Variants in ADD3 observed in about 807,000 individuals in gnomAD.
The protein encoded by ADD3 is gamma-adducin.
ADD3 carries 25 observed loss-of-function variants against 80.2 expected under a neutral mutation model. That is an observed-to-expected ratio of 0.31 (90% CI 0.23 to 0.44). The LOEUF (loss-of-function observed/expected upper bound fraction) is 0.44. ADD3 is among the 20% of genes least tolerant of loss of function. The pLI is 1.00. For synonymous variants in ADD3, 284 were observed against 289.6 expected (o/e 0.98, Z 0.20); for missense variants, 829 against 847.5 (o/e 0.98, Z 0.27).
chr10:110,054,588 A>G (rs1249215184), intron 1 of ADD3, among the ~76,000 whole-genome samples: 2 of 149,734 alleles, frequency 1.3e-5, no homozygotes, highest in Non-Finnish European at 3.0e-5. Flanking sequence ...ATTTACAGGC[A>G]CGCACCACCA....
upstream of ADD3, among the ~76,000 whole-genome samples, chr10:110,005,123 C>T (rs541388328): frequency 7.2e-5 from 11 of 152,108 alleles, no homozygotes; most frequent in East Asian, 5.8e-4. Context: ...AGTGCAGTGG[C>T]GCGATCTTGG....
At chr10:110,003,302 GGTGTGTGTGT>G (rs1554893815), upstream of ADD3, among the ~76,000 whole-genome samples, 11 of 147,030 alleles carry the variant, frequency 7.5e-5, no homozygotes, top group South Asian at 2.2e-4. Context: ...GAACAGTAAG[GGTGTGTGTGT>G]GTGTGTGTGT....
chr10:110,047,066 T>C (rs759870576), intron 1 of ADD3, among the ~76,000 whole-genome samples: 1 of 152,194 alleles, frequency 6.6e-6, no homozygotes, highest in Non-Finnish European at 1.5e-5. Flanking sequence ...CAGATCACTC[T>C]TTGTGATAGA....
At chr10:110,065,385 T>C (rs1843773452) in intron 1 of ADD3, among the ~76,000 whole-genome samples, 1 of 151,884 alleles carries the variant, frequency 6.6e-6, no homozygotes, top group Admixed American at 6.6e-5. Context: ...AAAAAGTCTC[T>C]AGCCATGATT....
intron 1 of ADD3, among the ~76,000 whole-genome samples, chr10:110,051,401 G>C (rs1857498121): frequency 6.6e-6 from 1 of 152,162 alleles, no homozygotes; most frequent in South Asian, 2.1e-4. Flanking sequence ...AAACTATACA[G>C]TGGTTCCTCC....
Position 110,112,817 on chromosome 10 carries a change from T to G in ADD3, c.236T>G (p.Met79Arg), listed in dbSNP as rs749097779. 1.4e-5 allele frequency: 22 copies of G among 1,614,094 alleles called. No homozygotes were observed. Among genetic ancestry groups the G allele is most frequent in the Non-Finnish European group, 1.9e-5 (22 of 1,179,992 alleles). ...EDLECLIQEQ[M>R]KKGHNPTGLL... is the part of the protein sequence containing the mutation. ...TTGGAATGCCTTATTCAAGAACAGA[T>G]GAAGAAAGGCCACAACCCAACTGGA... Residue 79 changes from methionine to arginine, a missense_variant, in exon 3 of 15, where the codon ATG becomes AGG. By Grantham distance (91) the Met-to-Arg change is moderately conservative. Coordinates refer to ENST00000356080, the MANE Select transcript of ADD3 (RefSeq NM_016824.5).
intron 1 of ADD3, among the ~76,000 whole-genome samples, chr10:110,041,762 C>T (rs1470564510): frequency 1.3e-5 from 2 of 152,150 alleles, no homozygotes; most frequent in African/African-American, 4.8e-5. Context: ...AATTTTCGTA[C>T]TGAATCAACA....
rs1400657983 is a variant in ADD3, at chr10:110,107,623, G to C, written c.196-5154G>C. Among the ~76,000 whole-genome samples the C allele has an allele frequency of 2.0e-5, 3 of 152,064 alleles. No homozygotes were observed. In the East Asian group the frequency reaches 5.8e-4, roughly 29 times the overall value. ...TATAAAAGTGTTTGTTTTGGATCTGGGTTCACATTTTACTTTGCCTACCAC... is the reference window on the plus strand; with the variant it reads ...TATAAAAGTGTTTGTTTTGGATCTGCGTTCACATTTTACTTTGCCTACCAC... On this transcript the variant is annotated intron_variant, in intron 2 of 14. Coordinates refer to ENST00000356080, the MANE Select transcript of ADD3 (RefSeq NM_016824.5).
intron 1 of ADD3, among the ~76,000 whole-genome samples, chr10:110,021,719 G>C (rs974527866): frequency 4.6e-5 from 7 of 152,144 alleles, no homozygotes; most frequent in Non-Finnish European, 1.0e-4. Flanking sequence ...GGGAAATGGG[G>C]AGTGGCAGCT....
chr10:110,129,708 T>C (rs1378584716), intron 12 of ADD3, among the ~76,000 whole-genome samples: 1 of 152,236 alleles, frequency 6.6e-6, no homozygotes, highest in African/African-American at 2.4e-5. Context: ...GCTTCAACTT[T>C]CTCAGCTCTG....
intron 2 of ADD3, among the ~76,000 whole-genome samples, chr10:110,109,693 C>G (rs983657422): frequency 1.3e-5 from 2 of 152,146 alleles, no homozygotes; most frequent in African/African-American, 4.8e-5. Flanking sequence ...TCCAAAAGAG[C>G]AGATTGGCCC....
At chr10:110,013,359 A>C (rs1852552768) in intron 1 of ADD3, among the ~76,000 whole-genome samples, 1 of 152,108 alleles carries the variant, frequency 6.6e-6, no homozygotes, top group Non-Finnish European at 1.5e-5. Flanking sequence ...CCGCTCGGCT[A>C]CCCAAAGTGC....
At chr10:110,079,808 T>C (rs1361184922) in intron 1 of ADD3, among the ~76,000 whole-genome samples, 1 of 152,230 alleles carries the variant, frequency 6.6e-6, no homozygotes, top group Non-Finnish European at 1.5e-5. Context: ...CCCAAAGTGC[T>C]GGGATTGCAG....
intron 1 of ADD3, among the ~76,000 whole-genome samples, chr10:110,076,325 A>T (rs1032777461): frequency 1.3e-5 from 2 of 152,226 alleles, no homozygotes; most frequent in African/African-American, 4.8e-5. Flanking sequence ...GTATTTATAC[A>T]TACTGTGGAA....
intron 1 of ADD3, among the ~76,000 whole-genome samples, chr10:110,078,910 A>G (rs1157770301): frequency 6.6e-6 from 1 of 152,236 alleles, no homozygotes; most frequent in African/African-American, 2.4e-5. Context: ...AGATTTTTAA[A>G]TAGATTTTTA....
chr10:110,048,589 G>A (rs772793755), intron 1 of ADD3, among the ~76,000 whole-genome samples: 25 of 142,544 alleles, frequency 1.8e-4, no homozygotes, highest in Non-Finnish European at 2.9e-4. Context: ...TGGAGTAAAG[G>A]TGACTCTTCT....
chr10:110,012,782 T>C (rs1852478849), intron 1 of ADD3, among the ~76,000 whole-genome samples: 1 of 152,184 alleles, frequency 6.6e-6, no homozygotes, highest in Non-Finnish European at 1.5e-5. Context: ...TTTTGTATTT[T>C]TGAGACAGCT....
At chr10:110,110,534 A>G (rs1849885435) in intron 2 of ADD3, among the ~76,000 whole-genome samples, 2 of 152,168 alleles carry the variant, frequency 1.3e-5, no homozygotes, top group Non-Finnish European at 2.9e-5. Context: ...AGCACCCAAG[A>G]TTACAACTAT....
intron 1 of ADD3, among the ~76,000 whole-genome samples, chr10:110,038,069 CAAAA>C (rs754609555): frequency 2.3e-5 from 1 of 43,892 alleles, no homozygotes; most frequent in African/African-American, 6.5e-5. Flanking sequence ...AACTCCGTCT[CAAAA>C]AAAAAAAAAA....
Sources: gnomAD v4.1 joint callset for allele counts (sites outside exome capture counted in the v4.1 genomes callset) on GRCh38, gnomAD v4.1.1 for gene constraint, MANE v1.5 for transcripts, NCBI Gene and HGNC (gene_info 2026-07-23, HGNC 2026-07-21) for gene names.